The following GLI3 variants were observed in gnomAD, a reference collection of about 807,000 sequenced individuals.
GLI3 encodes the protein GLI family zinc finger 3.
A neutral mutation model predicts 100.8 loss-of-function variants in GLI3; 20 were observed. The observed-to-expected ratio is 0.20, with a 90% confidence interval of 0.14 to 0.29. The LOEUF is 0.29. GLI3 is among the 10% of genes least tolerant of loss of function. GLI3 has a pLI of 1.00. For synonymous variants in GLI3, 938 were observed against 860.5 expected (o/e 1.09, Z -1.58); for missense variants, 2,040 against 2,128.5 (o/e 0.96, Z 0.82).
chr7:42,245,264 C>CA (rs1184653366), intron 1 of GLI3, among the ~76,000 whole-genome samples: 1 of 152,192 alleles, frequency 6.6e-6, no homozygotes, highest in African/African-American at 2.4e-5. Flanking sequence ...AGCCTGTAAT[C>CA]ACAGTATTAC....
chr7:42,008,306 C>T (rs897917558), intron 10 of GLI3, among the ~76,000 whole-genome samples: 7 of 152,200 alleles, frequency 4.6e-5, no homozygotes, highest in Admixed American at 4.6e-4. Flanking sequence ...TGCATTGGAC[C>T]TTTGATCCAT....
chr7:42,045,251 A>G (rs1343609616), intron 6 of GLI3, 133 bp downstream of exon 6: 2 of 889,230 alleles, frequency 2.2e-6, no homozygotes, highest in African/African-American at 3.3e-5. Flanking sequence ...CCAGAGCACC[A>G]GATAGTGGTG....
intron 10 of GLI3, among the ~76,000 whole-genome samples, chr7:42,001,236 C>CAAAAA: frequency 1.2e-5 from 1 of 85,688 alleles, no homozygotes; most frequent in Non-Finnish European, 2.3e-5. Context: ...GACTATGTCT[C>CAAAAA]AAAAAAAAAA....
At chr7:42,236,078 G>T (rs1158827882) in intron 1 of GLI3, among the ~76,000 whole-genome samples, 1 of 152,094 alleles carries the variant, frequency 6.6e-6, no homozygotes, top group South Asian at 2.1e-4. Flanking sequence ...TGCAATGGGG[G>T]ACAGGAGCAC....
rs1562659118 is a variant in GLI3, at chr7:41,966,040, T to C, written c.3033A>G (p.Thr1011=). The C allele has an allele frequency of 6.3e-7, 1 of 1,590,174 alleles. No individual in the cohort carries two copies. Among genetic ancestry groups the C allele is most frequent in the East Asian group, 2.3e-5 (1 of 44,352 alleles). Residue 1011 remains threonine, a synonymous_variant, in exon 15 of 15, where the codon ACA becomes ACG. Coordinates refer to ENST00000395925, the MANE Select transcript of GLI3 (RefSeq NM_000168.6). The surrounding 1 kb of genome is among the most constrained non-coding windows in gnomAD (Gnocchi z 5.8). ...GVRRASDPVR[T]GSEGLALPRV... Reference sequence around the variant, plus strand: ...GAGGCAGGGCCAGGCCCTCGGAGCCTGTCCGCACCGGGTCGCTGGCCCTCC... The same window carrying C: ...GAGGCAGGGCCAGGCCCTCGGAGCCCGTCCGCACCGGGTCGCTGGCCCTCC...
intron 3 of GLI3, among the ~76,000 whole-genome samples, chr7:42,127,126 C>A (rs1199939243): frequency 6.6e-6 from 1 of 152,212 alleles, no homozygotes; most frequent in Non-Finnish European, 1.5e-5. Context: ...GACAGCCTAT[C>A]TTCCCACTTC....
intron 7 of GLI3, among the ~76,000 whole-genome samples, chr7:42,037,979 G>T (rs1784052792): frequency 6.6e-6 from 1 of 152,184 alleles, no homozygotes; most frequent in Non-Finnish European, 1.5e-5. Flanking sequence ...AAAAAGTCAA[G>T]AGACCTGGGC....
At chr7:42,206,835 T>C (rs985495574) in intron 2 of GLI3, among the ~76,000 whole-genome samples, 1 of 152,128 alleles carries the variant, frequency 6.6e-6, no homozygotes, top group Non-Finnish European at 1.5e-5. Context: ...AAATCAGTGA[T>C]AGAAAAACTG....
chr7:41,975,298 T>C (rs984739330), intron 12 of GLI3, among the ~76,000 whole-genome samples: 12 of 152,166 alleles, frequency 7.9e-5, no homozygotes, highest in Non-Finnish European at 1.3e-4. Flanking sequence ...CTTTAAGTAT[T>C]TGTTCAATGA....
intron 10 of GLI3, among the ~76,000 whole-genome samples, chr7:42,013,351 T>TGTGTGC (rs1432526859): frequency 6.6e-6 from 1 of 152,130 alleles, no homozygotes; most frequent in Non-Finnish European, 1.5e-5. Context: ...AGGTGATGCC[T>TGTGTGC]GTGTGCCACA....
intron 2 of GLI3, among the ~76,000 whole-genome samples, chr7:42,179,285 T>G (rs1787544076): frequency 6.6e-6 from 1 of 152,110 alleles, no homozygotes; most frequent in Non-Finnish European, 1.5e-5. Flanking sequence ...ATAAACTTCT[T>G]TCTTTTGTAA....
chr7:42,259,733 G>C (rs1304691741), intron 1 of GLI3, among the ~76,000 whole-genome samples: 1 of 152,156 alleles, frequency 6.6e-6, no homozygotes, highest in East Asian at 1.9e-4. Flanking sequence ...CCTGCAGTCA[G>C]TAATCTCTGA....
At chr7:42,063,924 A>T (rs757144360) in intron 4 of GLI3, among the ~76,000 whole-genome samples, 1 of 152,222 alleles carries the variant, frequency 6.6e-6, no homozygotes, top group Non-Finnish European at 1.5e-5. Context: ...ACACATGTGC[A>T]TGTATGCCTA....
chr7:42,123,099 A>G (rs772058862), intron 3 of GLI3, among the ~76,000 whole-genome samples: 1 of 152,244 alleles, frequency 6.6e-6, no homozygotes, highest in Non-Finnish European at 1.5e-5. Context: ...CATTTATTTC[A>G]AATGCGTATG....
intron 2 of GLI3, among the ~76,000 whole-genome samples, chr7:42,185,437 C>T (rs1787699442): frequency 6.6e-6 from 1 of 152,144 alleles, no homozygotes; most frequent in Non-Finnish European, 1.5e-5. Flanking sequence ...TGCTGAGATG[C>T]TTTCAAGTAG....
In GLI3 at chr7:42,166,273, G is replaced by C. The variant is rs561901224; in HGVS notation, c.125-17805C>G. On this transcript the variant is annotated intron_variant, in intron 2 of 14. Coordinates refer to ENST00000395925, the MANE Select transcript of GLI3 (RefSeq NM_000168.6). ...TATAAGATCCTTGAGGGCAGGCGCT[G>C]GAATTCAGTACTCTGCTATCTCTTA... Among the ~76,000 whole-genome samples, 5 of 152,284 alleles carry C rather than the reference G, an allele frequency of 3.3e-5. No homozygotes were observed. In the South Asian group the frequency reaches 8.3e-4, roughly 25 times the overall value.
At chr7:42,217,867 C>A (rs1788408179) in intron 2 of GLI3, among the ~76,000 whole-genome samples, 1 of 152,216 alleles carries the variant, frequency 6.6e-6, no homozygotes, top group Non-Finnish European at 1.5e-5. Context: ...GTTTAACTCA[C>A]CAACATGCTT....
chr7:42,190,581 C>T (rs945255617), intron 2 of GLI3, among the ~76,000 whole-genome samples: 4 of 152,104 alleles, frequency 2.6e-5, no homozygotes, highest in African/African-American at 7.2e-5. Context: ...ACCCTGGTAG[C>T]GTTGTGTGTG....
chr7:42,043,877 A>T (rs1784192115), intron 6 of GLI3, among the ~76,000 whole-genome samples: 1 of 152,172 alleles, frequency 6.6e-6, no homozygotes, highest in African/African-American at 2.4e-5. Context: ...TAATAACACA[A>T]CTTTTTTTTC....
Sources: allele counts gnomAD v4.1 joint callset (sites outside exome capture counted in the v4.1 genomes callset), GRCh38; gene constraint gnomAD v4.1.1; non-coding constraint Gnocchi (gnomAD v3.1); transcripts MANE v1.5; gene names NCBI Gene and HGNC (gene_info 2026-07-23, HGNC 2026-07-21).